NFIB: variants seen among roughly 807,000 people sequenced by gnomAD.
NFIB encodes the protein nuclear factor 1 B-type.
Under a neutral mutation model 61.5 loss-of-function variants are expected in NFIB, and 11 were observed. That is an observed-to-expected ratio of 0.18 (90% CI 0.11 to 0.30). The LOEUF (loss-of-function observed/expected upper bound fraction) is 0.30. NFIB is among the 10% of genes least tolerant of loss of function. The pLI is 1.00. For missense variants in NFIB, 471 were observed against 608.9 expected (o/e 0.77, Z 2.38); for synonymous variants, 260 against 216.5 (o/e 1.20, Z -1.76).
intron 2 of NFIB, among the ~76,000 whole-genome samples, chr9:14,183,798 T>C (rs1461233026): frequency 3.3e-5 from 5 of 152,090 alleles, no homozygotes; most frequent in Admixed American, 1.3e-4. Flanking sequence ...CTCTTCCACC[T>C]CTCATTTTAT....
At chr9:14,341,035 T>G (rs2060943284) in intron 1 of NFIB, among the ~76,000 whole-genome samples, 2 of 152,186 alleles carry the variant, frequency 1.3e-5, no homozygotes, top group Non-Finnish European at 1.5e-5. Context: ...GAAGCCTTAG[T>G]AGATGAGGAA....
the NFIB span, among the ~76,000 whole-genome samples, chr9:14,482,155 G>C: frequency 7.3e-6 from 1 of 137,794 alleles, no homozygotes; most frequent in East Asian, 2.3e-4. Context: ...CAAGGTTTTG[G>C]TCACTGAGCT....
At chr9:14,447,456 G>T in the NFIB span, among the ~76,000 whole-genome samples, 1 of 152,050 alleles carries the variant, frequency 6.6e-6, no homozygotes. Flanking sequence ...TTAGTGTGGG[G>T]TCACTCTCCA....
chr9:14,371,658 T>C (rs1468639765), intron 1 of NFIB, among the ~76,000 whole-genome samples: 1 of 152,198 alleles, frequency 6.6e-6, no homozygotes, highest in African/African-American at 2.4e-5. Context: ...CATAAGAACA[T>C]AGGTTTTTAC....
At chr9:14,112,330 C>T (rs943186382) in intron 10 of NFIB, among the ~76,000 whole-genome samples, 1 of 152,086 alleles carries the variant, frequency 6.6e-6, no homozygotes, top group African/African-American at 2.4e-5. Context: ...GTTTATAAGC[C>T]ACCATTAATC....
the NFIB span, among the ~76,000 whole-genome samples, chr9:14,527,188 G>C: frequency 1.3e-5 from 2 of 151,998 alleles, no homozygotes; most frequent in African/African-American, 2.4e-5. Context: ...AGGTAAGGAA[G>C]ACATGAAAGA....
intron 2 of NFIB, among the ~76,000 whole-genome samples, chr9:14,278,661 C>T (rs1346442386): frequency 2.6e-5 from 4 of 152,172 alleles, no homozygotes; most frequent in African/African-American, 9.7e-5. Flanking sequence ...CTGTTAGGGT[C>T]ATTACTAAGG....
chr9:14,282,499 A>T (rs151319136), intron 2 of NFIB, among the ~76,000 whole-genome samples: 183 of 152,374 alleles, frequency 1.2e-3, no homozygotes, highest in African/African-American at 4.3e-3. Context: ...AAAAGTCCAA[A>T]TTACAAGTGA....
the NFIB span, among the ~76,000 whole-genome samples, chr9:14,507,148 G>T: frequency 6.6e-6 from 1 of 152,200 alleles, no homozygotes; most frequent in Non-Finnish European, 1.5e-5. Flanking sequence ...ACTGTGTCCT[G>T]TTACATTTCT....
At chr9:14,272,625 C>G (rs2057708097) in intron 2 of NFIB, among the ~76,000 whole-genome samples, 1 of 145,014 alleles carries the variant, frequency 6.9e-6, no homozygotes, top group Non-Finnish European at 1.5e-5. Flanking sequence ...TAACATCGGC[C>G]TGCTCCACTT....
At chr9:14,448,329 G>A in the NFIB span, among the ~76,000 whole-genome samples, 1 of 152,120 alleles carries the variant, frequency 6.6e-6, no homozygotes, top group Admixed American at 6.6e-5. Context: ...GTATCTTGCG[G>A]TATCTATAGT....
intron 2 of NFIB, among the ~76,000 whole-genome samples, chr9:14,293,219 T>A (rs2059213226): frequency 6.6e-6 from 1 of 152,226 alleles, no homozygotes; most frequent in Admixed American, 6.5e-5. Context: ...TATTCAGTAG[T>A]CTCATTTGCA....
At chr9:14,143,708 T>C (rs1275930080) in intron 6 of NFIB, among the ~76,000 whole-genome samples, 1 of 152,190 alleles carries the variant, frequency 6.6e-6, no homozygotes, top group South Asian at 2.1e-4. Flanking sequence ...GCTATTTCAA[T>C]GACTGGAGTG....
chr9:14,101,010 C>T (rs899615741), intron 10 of NFIB, among the ~76,000 whole-genome samples: 2 of 152,044 alleles, frequency 1.3e-5, no homozygotes, highest in Non-Finnish European at 2.9e-5. Flanking sequence ...TTATTAAATT[C>T]AATTACCTTT....
At chr9:14,115,297 A>G (rs1323238833) in intron 9 of NFIB, among the ~76,000 whole-genome samples, 1 of 151,798 alleles carries the variant, frequency 6.6e-6, no homozygotes, top group African/African-American at 2.4e-5. Context: ...AGAAAGAAAA[A>G]AAAAAGGTTT....
the NFIB span, among the ~76,000 whole-genome samples, chr9:14,462,472 C>T: frequency 4.6e-5 from 7 of 151,848 alleles, no homozygotes; most frequent in East Asian, 1.9e-4. Context: ...TTAGTGGAGA[C>T]GGGGTTTCAC....
At chr9:14,165,850 G>A (rs2044725451) in intron 3 of NFIB, among the ~76,000 whole-genome samples, 1 of 152,148 alleles carries the variant, frequency 6.6e-6, no homozygotes, top group Non-Finnish European at 1.5e-5. Flanking sequence ...AGGGGCTGGG[G>A]AGAGTAGGGA....
the NFIB span, among the ~76,000 whole-genome samples, chr9:14,515,797 G>A: frequency 6.6e-6 from 1 of 152,182 alleles, no homozygotes; most frequent in East Asian, 1.9e-4. Context: ...CAAGCCTCTA[G>A]ACGATGCCAA....
rs2040937620 is a variant in NFIB, at chr9:14,135,483, G to C, written c.926-9717C>G. ...AGAATATCTAAATATCTGTGTCTAA[G>C]GACTCCTCTAGATGTAAAATTTTAT... On this transcript the variant is annotated intron_variant, in intron 6 of 10. Coordinates refer to ENST00000380953, the MANE Select transcript of NFIB (RefSeq NM_001190737.2). Among the ~76,000 whole-genome samples, 3 of 152,272 alleles carry C rather than the reference G, an allele frequency of 2.0e-5. No homozygotes were observed. In the South Asian group the frequency reaches 6.2e-4, roughly 32 times the overall value.
Sources: allele counts gnomAD v4.1 joint callset (sites outside exome capture counted in the v4.1 genomes callset), GRCh38; gene constraint gnomAD v4.1.1; transcripts MANE v1.5; gene names NCBI Gene and HGNC (gene_info 2026-07-23, HGNC 2026-07-21).